Variants in ARSG observed in about 807,000 individuals in gnomAD.
ARSG encodes the protein ASG.
Under a neutral mutation model 50.5 loss-of-function variants are expected in ARSG, and 37 were observed. The ratio of observed to expected loss-of-function variants is 0.73; its 90% CI spans 0.56 to 0.96. ARSG has a LOEUF of 0.96. Ranked by LOEUF, ARSG falls within the 50% of genes least tolerant of loss-of-function variation. The probability of loss-of-function intolerance (pLI) is 0.00; values close to 1 mark genes in which losing one functional copy is unlikely to be tolerated. For missense variants in ARSG, 629 were observed against 675.3 expected, an observed-to-expected ratio of 0.93 and a Z score of 0.76; for synonymous variants, 225 against 254.6, an observed-to-expected ratio of 0.88 and a Z score of 1.11.
At chr17:68,433,126 G>A in the ARSG span, among the ~76,000 whole-genome samples, 4 of 152,224 alleles carry the variant, frequency 2.6e-5, no homozygotes, top group East Asian at 1.9e-4. Context: ...TGCCAGGCAC[G>A]ATGCTGAACA....
At chr17:68,351,733 G>A (rs775502340) in intron 5 of ARSG, 47 bp downstream of exon 5, 1 of 1,278,468 alleles carries the variant, frequency 7.8e-7, no homozygotes, top group Admixed American at 1.7e-5. Flanking sequence ...ACAAGGCAAA[G>A]TTCCAAGACT....
At chr17:68,370,275 A>G (rs188060815) in intron 7 of ARSG, among the ~76,000 whole-genome samples, 169 bp from the exon 8 acceptor site, 3 of 152,200 alleles carry the variant, frequency 2.0e-5, no homozygotes, top group Admixed American at 2.0e-4. Flanking sequence ...TCCGCCTCCC[A>G]AAGTGCTGGA....
rs77839706 is a variant in ARSG at position 68,307,775 on chromosome 17, A to T, written c.218+64A>T. ...TCTTACTCCCGTTCTTGAGAGGGGA[A>T]GGGGCCGTGCAAAGCACTTAAAGAG... On this transcript the variant is annotated intron_variant, in intron 2 of 11. Transcript: ENST00000621439. 30,823 of 894,778 alleles carry T rather than the reference A, an allele frequency of 0.034. 1,698 individuals are homozygous for T. The highest frequency in any genetic ancestry group is 0.18 in the Admixed American group (8,880 of 49,602). The allele number at this position is 894,778 out of a possible 1,614,324, so 55.4% of individuals were successfully genotyped here. A position where few individuals can be genotyped will look rare whatever the true frequency, so the allele number is the denominator to read the frequency against.
At chr17:68,352,119 GGAGA>G (rs149581343) in intron 5 of ARSG, among the ~76,000 whole-genome samples, 17 of 73,062 alleles carry the variant, frequency 2.3e-4, no homozygotes, top group East Asian at 1.1e-3. Flanking sequence ...GAGAGACAGA[GGAGA>G]GAGAGAGAGA....
intron 2 of ARSG, among the ~76,000 whole-genome samples, chr17:68,315,408 T>C (rs914595678): frequency 6.6e-6 from 1 of 151,922 alleles, no homozygotes; most frequent in African/African-American, 2.4e-5. Context: ...CTGGGCGTGG[T>C]CCTACCTACT....
At chr17:68,436,502 T>C in the ARSG span, 6 of 1,608,144 alleles carry the variant, frequency 3.7e-6, no homozygotes, top group Admixed American at 3.3e-5. Flanking sequence ...AAACAGAACA[T>C]GAGAAGCCTG....
At chr17:68,436,314 T>C in the ARSG span, 1 of 1,457,892 alleles carries the variant, frequency 6.9e-7, no homozygotes, top group East Asian at 2.3e-5. Flanking sequence ...GGCGTCCTTA[T>C]CTATCTCCTT....
At chr17:68,297,550 G>A (rs553058641) in intron 1 of ARSG, among the ~76,000 whole-genome samples, 1 of 152,244 alleles carries the variant, frequency 6.6e-6, no homozygotes, top group Non-Finnish European at 1.5e-5. Context: ...AATTCTGGCA[G>A]ATTCAGCCAG....
intron 4 of ARSG, among the ~76,000 whole-genome samples, chr17:68,349,797 C>A (rs535959860): frequency 6.6e-6 from 1 of 152,088 alleles, no homozygotes; most frequent in Non-Finnish European, 1.5e-5. Flanking sequence ...GCACGAGAAT[C>A]GCTTGAACCC....
chr17:68,289,641 A>T (rs2075923309), upstream of ARSG, among the ~76,000 whole-genome samples: 1 of 152,196 alleles, frequency 6.6e-6, no homozygotes, highest in Non-Finnish European at 1.5e-5. Context: ...TGCATTCTCT[A>T]TTTAAAAAAA....
At chr17:68,369,796 C>G (rs1466795067) in intron 7 of ARSG, among the ~76,000 whole-genome samples, 1 of 152,016 alleles carries the variant, frequency 6.6e-6, no homozygotes, top group Non-Finnish European at 1.5e-5. Flanking sequence ...AGTTGCTGGG[C>G]TGAAGCTGAT....
chr17:68,426,945 G>A (rs1298688114), downstream of ARSG, among the ~76,000 whole-genome samples: 1 of 152,046 alleles, frequency 6.6e-6, no homozygotes, highest in Non-Finnish European at 1.5e-5. Context: ...CTATTACCAT[G>A]GCCTCACCTG....
At chr17:68,432,235 T>C in the ARSG span, among the ~76,000 whole-genome samples, 1 of 152,116 alleles carries the variant, frequency 6.6e-6, no homozygotes, top group Non-Finnish European at 1.5e-5. Flanking sequence ...ACAAGGATTC[T>C]AGAGATGAGG....
At position 68,362,776 on chromosome 17, in the gene ARSG, G is replaced by A. The variant is rs530433721; in HGVS notation, c.705-5772G>A. 3.9e-5 allele frequency among the ~76,000 whole-genome samples: 6 copies of A among 152,184 alleles called. 1 individual carries two copies. The highest frequency in any genetic ancestry group is 1.2e-4 in the African/African-American group (5 of 41,512). On this transcript the variant is annotated intron_variant, in intron 6 of 11. Transcript: ENST00000621439. ...TTTTGGATTTTCAGATTTGGGATGC[G>A]CTGCCTATACTAACTTTTTAAATAA... is the stretch of plus-strand genomic sequence containing the variant.
chr17:68,450,454 G>A, the ARSG span, among the ~76,000 whole-genome samples: 2 of 152,178 alleles, frequency 1.3e-5, no homozygotes, highest in African/African-American at 4.8e-5. Context: ...CCATCCCTGC[G>A]GTGCCCAATC....
chr17:68,316,131 C>T (rs547571480), intron 2 of ARSG, among the ~76,000 whole-genome samples: 7 of 152,330 alleles, frequency 4.6e-5, no homozygotes, highest in African/African-American at 1.7e-4. Context: ...CTTTTCCCTG[C>T]CTCAGGGCCT....
chr17:68,423,097 C>T (rs554040886), downstream of ARSG, among the ~76,000 whole-genome samples: 88 of 152,208 alleles, frequency 5.8e-4, 1 homozygote, highest in African/African-American at 2.0e-3. The surrounding 1 kb of genome is among the most constrained non-coding windows in gnomAD (Gnocchi z 4.4). Flanking sequence ...TATGTTTGTT[C>T]GTCACTACAA....
chr17:68,343,877 C>A, intron 3 of ARSG, 86 bp downstream of exon 3: 1 of 1,347,028 alleles, frequency 7.4e-7, no homozygotes, highest in Non-Finnish European at 1.0e-6. Context: ...TCCCTGTCTG[C>A]TTTCCTGTTC....
chr17:68,451,167 C>T, the ARSG span, among the ~76,000 whole-genome samples: 8 of 152,348 alleles, frequency 5.3e-5, no homozygotes, highest in East Asian at 7.7e-4. Context: ...TGGCGGCTCA[C>T]GCCTAGTAAT....
Sources: gnomAD v4.1 joint callset for allele counts (sites outside exome capture counted in the v4.1 genomes callset) on GRCh38, gnomAD v4.1.1 for gene constraint, Gnocchi (gnomAD v3.1) non-coding constraint, MANE v1.5 for transcripts, NCBI Gene and HGNC (gene_info 2026-07-23, HGNC 2026-07-21) for gene names.